Variants in SNX24 observed in about 807,000 individuals in gnomAD.
SNX24 encodes sorting nexin 24.
SNX24 carries 22 observed loss-of-function variants against 28.7 expected under a neutral mutation model. The observed-to-expected ratio is 0.77, with a 90% confidence interval of 0.55 to 1.10. SNX24 has a LOEUF of 1.10. Ranked by LOEUF, SNX24 falls within the 50% of genes least tolerant of loss-of-function variation. The pLI is 0.00. For missense variants in SNX24, 221 were observed against 201.1 expected (o/e 1.10, Z -0.60); for synonymous variants, 69 against 71.5 (o/e 0.96, Z 0.18).
chr5:122,930,175 C>CT (rs1354018868), intron 1 of SNX24, among the ~76,000 whole-genome samples: 1 of 152,186 alleles, frequency 6.6e-6, no homozygotes, highest in Non-Finnish European at 1.5e-5. Context: ...TCCAAGTGGC[C>CT]TAGAAGCCCT....
intron 5 of SNX24, among the ~76,000 whole-genome samples, chr5:123,016,359 G>T (rs1009292297): frequency 2.6e-5 from 4 of 152,096 alleles, no homozygotes; most frequent in Non-Finnish European, 5.9e-5. Context: ...GTGTTGCAGG[G>T]ACATCAGCAA....
At chr5:123,000,273 T>C (rs1302997196) in intron 4 of SNX24, among the ~76,000 whole-genome samples, 1 of 152,256 alleles carries the variant, frequency 6.6e-6, no homozygotes, top group Admixed American at 6.5e-5. Context: ...TTACATAGAA[T>C]GATGTTACTT....
intron 1 of SNX24, among the ~76,000 whole-genome samples, chr5:122,851,807 C>T (rs1055616032): frequency 2.0e-5 from 3 of 152,068 alleles, no homozygotes; most frequent in African/African-American, 7.2e-5. Context: ...ACACCTCAGT[C>T]CCTGTCTTTA....
chr5:122,885,847 T>G (rs534748485), intron 1 of SNX24, among the ~76,000 whole-genome samples: 16 of 152,094 alleles, frequency 1.1e-4, no homozygotes, highest in African/African-American at 3.6e-4. Flanking sequence ...GGAGGGGGGA[T>G]GAGATGAAAC....
chr5:123,014,333 A>ATTTTTTTTTTTTTTTTTTTTTTTTTTTT lies in SNX24; in HGVS notation n.383+12331_383+12358dup, dbSNP rs70988553. Among the ~76,000 whole-genome samples the ATTTTTTTTTTTTTTTTTTTTTTTTTTTT allele has an allele frequency of 3.9e-5, 3 of 77,270 alleles. 1 individual carries two copies. Among genetic ancestry groups the ATTTTTTTTTTTTTTTTTTTTTTTTTTTT allele is most frequent in the African/African-American group, 1.1e-4 (2 of 17,766 alleles). The allele number at this position is 77,270 out of a possible 152,430, so 50.7% of individuals were successfully genotyped here. A position where few individuals can be genotyped will look rare whatever the true frequency, so the allele number is the denominator to read the frequency against. ...AGGCACACGCCACTGTGCCCAGCTG[A>ATTTTTTTTTTTTTTTTTTTTTTTTTTTT]TTTTTTTTTTTTTTTTTTTTTTTTT... On this transcript the variant is annotated intron_variant and non_coding_transcript_variant, in intron 5 of 5. Coordinates refer to the SNX24 transcript ENST00000502387.
At chr5:123,002,101 T>A in intron 6 of SNX24, 97 bp downstream of exon 6, 1 of 956,284 alleles carries the variant, frequency 1.0e-6, no homozygotes, top group Non-Finnish European at 1.7e-6. Context: ...GTGACATTGG[T>A]CCCGGGCTTA....
chr5:122,923,493 A>G (rs1758536058), intron 1 of SNX24, among the ~76,000 whole-genome samples: 1 of 152,212 alleles, frequency 6.6e-6, no homozygotes, highest in South Asian at 2.1e-4. Context: ...TGTTCATAGA[A>G]CAGAAAAAGT....
rs113577675 is a variant in SNX24 at position 122,901,074 on chromosome 5, G to A, written c.61-35660G>A. On this transcript the variant is annotated intron_variant, in intron 1 of 6. Transcript: ENST00000261369. ...AAATTAGCTGGGTGTGGTGGTGCAC[G>A]CCTGTAATCCCAGCTACTCAGGAGG... Among the ~76,000 whole-genome samples the A allele has an allele frequency of 1.6e-3, 243 of 151,888 alleles. 1 individual carries two copies. The highest frequency in any genetic ancestry group is 2.2e-3 in the African/African-American group (92 of 41,422).
chr5:122,905,058 G>A (rs1186452435), intron 1 of SNX24, among the ~76,000 whole-genome samples: 2 of 152,168 alleles, frequency 1.3e-5, no homozygotes, highest in Middle Eastern at 3.2e-3. Context: ...AGTCCTTAAT[G>A]TCCTCAGTGA....
chr5:122,851,624 T>C (rs948940609), intron 1 of SNX24, among the ~76,000 whole-genome samples: 11 of 152,214 alleles, frequency 7.2e-5, no homozygotes, highest in African/African-American at 2.2e-4. Flanking sequence ...CTTAGAAATG[T>C]AGCATGCTCT....
At chr5:122,974,357 C>T (rs1761079576) in intron 3 of SNX24, among the ~76,000 whole-genome samples, 1 of 152,116 alleles carries the variant, frequency 6.6e-6, no homozygotes, top group Non-Finnish European at 1.5e-5. Flanking sequence ...CAGTGTGATA[C>T]CTTGTGGAAG....
chr5:122,941,101 T>C (rs905851917), intron 2 of SNX24, among the ~76,000 whole-genome samples: 1 of 152,212 alleles, frequency 6.6e-6, no homozygotes, highest in Non-Finnish European at 1.5e-5. Flanking sequence ...TACCAGATGC[T>C]ATGACACCAT....
At chr5:122,944,836 A>G (rs950333150) in intron 2 of SNX24, among the ~76,000 whole-genome samples, 4 of 151,922 alleles carry the variant, frequency 2.6e-5, no homozygotes, top group Non-Finnish European at 5.9e-5. Context: ...AATTGTATGA[A>G]TTTTCTTATT....
intron 3 of SNX24, among the ~76,000 whole-genome samples, chr5:122,976,499 G>A (rs1023477112): frequency 6.6e-6 from 1 of 152,164 alleles, no homozygotes; most frequent in Non-Finnish European, 1.5e-5. Flanking sequence ...TGCTGTAGAA[G>A]TACAAGGATG....
At chr5:122,871,737 T>C (rs1189765681) in intron 1 of SNX24, among the ~76,000 whole-genome samples, 1 of 152,162 alleles carries the variant, frequency 6.6e-6, no homozygotes, top group African/African-American at 2.4e-5. Context: ...GCCATTGCAC[T>C]CCAGCTTGGG....
rs1025856446 is a variant in SNX24 at position 122,858,723 on chromosome 5, A to T, written c.60+13030A>T. Among the ~76,000 whole-genome samples, 5 of 152,246 alleles carry T rather than the reference A, an allele frequency of 3.3e-5. No homozygotes were observed. The South Asian group carries it at 1.0e-3, about 31-fold the overall frequency. On this transcript the variant is annotated intron_variant, in intron 1 of 6. Transcript: ENST00000261369. ...TGTGCCAATCTGATAGGTGAACAAT[A>T]GTATCACAATGTAATTCTTAATGTC...
chr5:122,989,049 T>C (rs1449014375), intron 3 of SNX24, among the ~76,000 whole-genome samples: 2 of 152,234 alleles, frequency 1.3e-5, no homozygotes, highest in East Asian at 3.8e-4. Flanking sequence ...TTCTTTTCTC[T>C]TTCTCTCTCT....
At chr5:122,854,283 T>TCA (rs1755067960) in intron 1 of SNX24, among the ~76,000 whole-genome samples, 1 of 151,720 alleles carries the variant, frequency 6.6e-6, no homozygotes, top group African/African-American at 2.4e-5. Context: ...CTGAGGCGGG[T>TCA]GGATCACGAG....
At chr5:122,948,539 T>G (rs1338631494) in intron 3 of SNX24, 1 of 152,206 alleles carries the variant, frequency 6.6e-6, no homozygotes, top group Non-Finnish European at 1.5e-5. Context: ...CAATCATCCC[T>G]CTGGCCTCAA....
Sources: gnomAD v4.1 joint callset for allele counts (sites outside exome capture counted in the v4.1 genomes callset) on GRCh38, gnomAD v4.1.1 for gene constraint, MANE v1.5 for transcripts, NCBI Gene and HGNC (gene_info 2026-07-23, HGNC 2026-07-21) for gene names.